IGSF6: variants seen among roughly 807,000 people sequenced by gnomAD.
IGSF6 encodes the protein immunoglobulin superfamily member 6, also known as down-regulated by activation (immunoglobulin superfamily).
A neutral mutation model predicts 24.7 loss-of-function variants in IGSF6; 23 were observed. The ratio of observed to expected loss-of-function variants is 0.93; its 90% CI spans 0.67 to 1.32. IGSF6 has a LOEUF of 1.32. IGSF6 is among the 40% of genes most tolerant of loss of function. The pLI is 0.00. For missense variants in IGSF6, 295 were observed against 293.6 expected, an observed-to-expected ratio of 1.00 and a Z score of -0.04; for synonymous variants, 110 against 113.7, an observed-to-expected ratio of 0.97 and a Z score of 0.21.
At chr16:21,642,933 T>C (rs1966312921) in intron 5 of IGSF6, 141 bp downstream of exon 5, 1 of 572,298 alleles carries the variant, frequency 1.7e-6, no homozygotes, top group Non-Finnish European at 3.1e-6. Context: ...ACAGGTTCTA[T>C]ATAAAAATAC....
chr16:21,644,389 C>G lies in IGSF6; in HGVS notation c.435G>C (p.Lys145Asn). The G allele has an allele frequency of 6.2e-7, 1 of 1,609,242 alleles. No individual in the cohort carries two copies. Among genetic ancestry groups the G allele is most frequent in the Non-Finnish European group, 8.5e-7 (1 of 1,175,770 alleles). ...GGTTLVVREI[K>N]LLSKELRSFL... is the part of the protein sequence containing the mutation. ...AGCTCCGCAGTTCCTTGCTGAGCAG[C>G]TTAATTTCTTAATGACAAAAACAGA... The change falls in exon 3 of 6, where the codon AAG (lysine) becomes AAC (asparagine). Residue 145 changes from lysine (K) to asparagine (N), a missense_variant. Coordinates refer to ENST00000268389, the MANE Select transcript of IGSF6 (RefSeq NM_005849.4).
intron 1 of IGSF6, among the ~76,000 whole-genome samples, chr16:21,651,458 C>T (rs1415155801): frequency 2.6e-5 from 4 of 151,996 alleles, no homozygotes; most frequent in Admixed American, 6.6e-5. Context: ...GGTGCCATCA[C>T]GCCCAGCTAT....
chr16:21,640,047 C>G lies in IGSF6; in HGVS notation c.*1487G>C, dbSNP rs1279253585. ...TCCGCATCCTGGGTTCAAGTGATCT[C>G]CTGCCTCAGCCTCCCAAATAGCTGG... On this transcript the variant is annotated 3_prime_UTR_variant, in exon 6 of 6. Transcript: ENST00000268389. 6.6e-6 allele frequency: 1 copy of G among 152,044 alleles called. No homozygotes were observed. Among genetic ancestry groups the G allele is most frequent in the East Asian group, 1.9e-4 (1 of 5,162 alleles). 9.4% of individuals were successfully genotyped at this position (152,044 alleles called of 1,614,324 possible).
chr16:21,651,245 G>A (rs368680852), intron 1 of IGSF6, among the ~76,000 whole-genome samples: 1 of 152,038 alleles, frequency 6.6e-6, no homozygotes, highest in Admixed American at 6.6e-5. Flanking sequence ...AAGCCATATT[G>A]AAAGTAGGAA....
chr16:21,648,107 C>G (rs1966477343), intron 1 of IGSF6, among the ~76,000 whole-genome samples: 2 of 152,154 alleles, frequency 1.3e-5, no homozygotes, highest in South Asian at 4.1e-4. Context: ...CTGGCTTAGC[C>G]TACCATGTCT....
intron 2 of IGSF6, among the ~76,000 whole-genome samples, chr16:21,645,939 C>T (rs1966413799): frequency 1.3e-5 from 2 of 152,284 alleles, no homozygotes; most frequent in Middle Eastern, 3.4e-3. Flanking sequence ...TTAGAACCCT[C>T]GTAGTTTAAA....
rs565527398 is a variant in IGSF6 at position 21,644,468 on chromosome 16, C to G, written c.428-72G>C. 32 of 1,057,122 alleles carry G rather than the reference C, an allele frequency of 3.0e-5. 1 individual carries two copies. The South Asian group carries it at 4.0e-4, about 13-fold the overall frequency. 65.5% of individuals were successfully genotyped at this position (1,057,122 alleles called of 1,614,324 possible). A position where few individuals can be genotyped will look rare whatever the true frequency, so the allele number is the denominator to read the frequency against. ...TCTTTCAAATACATGTGTAAAGTATCCTTCACACTGCGTTTTAGAGGTGAA... is the reference window on the plus strand; with the variant it reads ...TCTTTCAAATACATGTGTAAAGTATGCTTCACACTGCGTTTTAGAGGTGAA... On this transcript the variant is annotated intron_variant, in intron 2 of 5. Transcript: ENST00000268389.
rs975254774 is a variant in IGSF6, at chr16:21,647,465, A to G, written c.95T>C (p.Val32Ala). The G allele has an allele frequency of 1.2e-6, 2 of 1,613,848 alleles. No homozygotes were observed. Residue 32 changes from valine to alanine, a missense_variant, in exon 2 of 6, where the codon GTC (valine) becomes GCC (alanine). By Grantham distance (64) the Val-to-Ala change is moderately conservative. Transcript: ENST00000268389. ...CACTTCTAGGTACCACGGTTGTGTG[A>G]CAGAGAGAGTACAGGCGCCCACAGC... ...VGAVGACTLS[V>A]TQPWYLEVDY... is the part of the protein sequence containing the mutation.
At chr16:21,646,747 T>A (rs1966439703) in intron 2 of IGSF6, 1 of 296,708 alleles carries the variant, frequency 3.4e-6, no homozygotes, top group African/African-American at 2.2e-5. Flanking sequence ...CTTCGCCTCC[T>A]GGGTTACAAG....
Position 21,647,218 on chromosome 16 carries a change from T to TG in IGSF6, c.341dup (p.Ile115AsnfsTer17). On this transcript the variant is annotated frameshift_variant, in exon 2 of 6. Coordinates refer to ENST00000268389, the MANE Select transcript of IGSF6 (RefSeq NM_005849.4). LOFTEE classifies it high-confidence loss of function. ...GGAATGCTATTCCACAGATGTAAAT[T>TG]GCACTGTCATTTGAAGTCACTCTGT... 2.5e-6 allele frequency: 4 copies of TG among 1,614,098 alleles called. No homozygotes were observed. The highest frequency in any genetic ancestry group is 3.4e-6 in the Non-Finnish European group (4 of 1,179,988).
intron 2 of IGSF6, 41 bp from the exon 3 acceptor site, chr16:21,644,437 G>C (rs1304281258): frequency 1.4e-6 from 2 of 1,389,802 alleles, no homozygotes; most frequent in Admixed American, 3.4e-5. Flanking sequence ...GACTATTAAA[G>C]CCTATTCTTT....
rs1265362968 is a variant in IGSF6 at position 21,644,266 on chromosome 16, T to G, written c.534+24A>C. ...ATAATATTCAAGGATATAGGGACAT[T>G]CCATGCAAGAGGATTTGACTTACTT... On this transcript the variant is annotated intron_variant, in intron 3 of 5. Coordinates refer to ENST00000268389, the MANE Select transcript of IGSF6 (RefSeq NM_005849.4). The G allele has an allele frequency of 2.7e-6, 4 of 1,470,076 alleles. No individual in the cohort carries two copies. In the East Asian group the frequency reaches 9.0e-5, roughly 33 times the overall value. The allele number at this position is 1,470,076 out of a possible 1,614,324, so 91.1% of individuals were successfully genotyped here. A position where few individuals can be genotyped will look rare whatever the true frequency, so the allele number is the denominator to read the frequency against.
In IGSF6 at chr16:21,647,081, C is replaced by T. The variant is rs749263205; in HGVS notation, c.427+52G>A. On this transcript the variant is annotated intron_variant, in intron 2 of 5. Transcript: ENST00000268389. ...ACATGTGAGTGAGGTAATGATTTTA[C>T]AGGCCTGAACAAGATGCAATGATGC... 3.1e-6 allele frequency: 5 copies of T among 1,612,494 alleles called. 1 individual carries two copies. In the South Asian group the frequency reaches 4.4e-5, roughly 14 times the overall value.
At chr16:21,646,812 TGCGCG>T (rs1966440863) in intron 2 of IGSF6, 1 of 356,782 alleles carries the variant, frequency 2.8e-6, no homozygotes, top group Non-Finnish European at 5.5e-6. Context: ...CATGCCACCA[TGCGCG>T]GCTAATTTTT....
chr16:21,644,461 A>G, intron 2 of IGSF6, 65 bp from the exon 3 acceptor site: 4 of 1,148,780 alleles, frequency 3.5e-6, no homozygotes, highest in Non-Finnish European at 5.2e-6. Flanking sequence ...ATACATGTGT[A>G]AAGTATCCTT....
intron 2 of IGSF6, 72 bp from the exon 3 acceptor site, chr16:21,644,468 C>A: frequency 1.9e-6 from 2 of 1,057,112 alleles, no homozygotes; most frequent in Non-Finnish European, 2.9e-6. Flanking sequence ...TGTAAAGTAT[C>A]CTTCACACTG....
At chr16:21,642,312 C>T (rs1050128147) in intron 5 of IGSF6, 2 of 152,134 alleles carry the variant, frequency 1.3e-5, no homozygotes, top group African/African-American at 4.8e-5. Flanking sequence ...TTTGGCAGCA[C>T]TTACACTAAA....
rs1301365983 is a variant in IGSF6, at chr16:21,640,040, G to C, written c.*1494C>G. 6.6e-6 allele frequency: 1 copy of C among 152,100 alleles called. No individual in the cohort carries two copies. Among genetic ancestry groups the C allele is most frequent in the Non-Finnish European group, 1.5e-5 (1 of 68,040 alleles). 9.4% of individuals were successfully genotyped at this position (152,100 alleles called of 1,614,324 possible). ...TGCAACCTCCGCATCCTGGGTTCAA[G>C]TGATCTCCTGCCTCAGCCTCCCAAA... On this transcript the variant is annotated 3_prime_UTR_variant, in exon 6 of 6. Coordinates refer to ENST00000268389, the MANE Select transcript of IGSF6 (RefSeq NM_005849.4).
At chr16:21,648,376 TG>T (rs751121306) in intron 1 of IGSF6, among the ~76,000 whole-genome samples, 93 of 152,322 alleles carry the variant, frequency 6.1e-4, no homozygotes, top group Non-Finnish European at 1.1e-3. Context: ...ACGTTCAAGA[TG>T]ATGCCTAGGA....
Sources: gnomAD v4.1 joint callset for allele counts (sites outside exome capture counted in the v4.1 genomes callset) on GRCh38, gnomAD v4.1.1 for gene constraint, MANE v1.5 for transcripts, NCBI Gene and HGNC (gene_info 2026-07-23, HGNC 2026-07-21) for gene names.